SCAMP1: variants seen among roughly 807,000 people sequenced by gnomAD.
SCAMP1 encodes the protein secretory carrier-associated membrane protein 1.
A neutral mutation model predicts 41.8 loss-of-function variants in SCAMP1; 15 were observed. That is an observed-to-expected ratio of 0.36 (90% CI 0.24 to 0.55). The LOEUF is 0.55. SCAMP1 is among the 20% of genes least tolerant of loss of function. The pLI is 0.86. For missense variants in SCAMP1, 341 were observed against 412.6 expected (o/e 0.83, Z 1.50); for synonymous variants, 135 against 136.8 (o/e 0.99, Z 0.09).
intron 8 of SCAMP1, among the ~76,000 whole-genome samples, chr5:78,460,782 T>TTCCTTCCTTCCTTTGGTTTCTTTTC (rs1561287042): frequency 1.6e-4 from 7 of 45,144 alleles, no homozygotes; most frequent in African/African-American, 1.1e-3. Context: ...CCTTCCTTCC[T>TTCCTTCCTTCCTTTGGTTTCTTTTC]TCCTTCCTTC....
In SCAMP1 at chr5:78,396,853, G is replaced by T. The variant is rs919651868; in HGVS notation, c.135+7939G>T. Reference sequence around the variant, plus strand: ...TGATAGAGCAAATAAAATTAAGACAGAAAATTTATCATTGAATTTAACAAT... The same window carrying T: ...TGATAGAGCAAATAAAATTAAGACATAAAATTTATCATTGAATTTAACAAT... On this transcript the variant is annotated intron_variant, in intron 2 of 8. Coordinates refer to ENST00000621999, the MANE Select transcript of SCAMP1 (RefSeq NM_004866.6). Among the ~76,000 whole-genome samples, 3 of 152,308 alleles carry T rather than the reference G, an allele frequency of 2.0e-5. No individual in the cohort carries two copies. In the East Asian group the frequency reaches 5.8e-4, roughly 29 times the overall value.
chr5:78,416,707 A>G (rs1752218800), intron 4 of SCAMP1, 58 bp downstream of exon 4: 7 of 1,279,986 alleles, frequency 5.5e-6, no homozygotes, highest in East Asian at 2.6e-5. Flanking sequence ...CATTATGTCT[A>G]TACTAGCTCC....
At chr5:78,380,525 A>G (rs1486022168) in intron 1 of SCAMP1, among the ~76,000 whole-genome samples, 2 of 152,054 alleles carry the variant, frequency 1.3e-5, no homozygotes, top group African/African-American at 4.8e-5. Context: ...AGTCTTAATG[A>G]GTGTTTCTTT....
At chr5:78,450,462 C>G (rs1420057291) in intron 7 of SCAMP1, among the ~76,000 whole-genome samples, 1 of 152,162 alleles carries the variant, frequency 6.6e-6, no homozygotes, top group Non-Finnish European at 1.5e-5. Flanking sequence ...TACATGGACA[C>G]TTGTCTTTGA....
At chr5:78,444,522 G>A (rs1329367786) in intron 6 of SCAMP1, among the ~76,000 whole-genome samples, 1 of 152,200 alleles carries the variant, frequency 6.6e-6, no homozygotes, top group East Asian at 1.9e-4. Context: ...CATGACATGT[G>A]AGGATTCTGG....
At chr5:78,419,051 C>A (rs2112143009) in intron 5 of SCAMP1, 148 bp downstream of exon 5, 1 of 693,062 alleles carries the variant, frequency 1.4e-6, no homozygotes. Flanking sequence ...GAAACATATC[C>A]TATTTAGGTA....
In SCAMP1 at chr5:78,424,592, A is replaced by G. The variant is rs138628409; in HGVS notation, c.632+2632A>G. ...TAAAAATACAAAAAATTAGCTGAGT[A>G]TCGTGGCATGTTTCTGTAATCCCAG... On this transcript the variant is annotated intron_variant, in intron 6 of 8. Transcript: ENST00000621999. Among the ~76,000 whole-genome samples, 169 of 152,230 alleles carry G rather than the reference A, an allele frequency of 1.1e-3. 1 individual carries two copies. The South Asian group carries it at 0.023, about 21-fold the overall frequency.
chr5:78,398,324 C>T (rs1031206104), intron 2 of SCAMP1, among the ~76,000 whole-genome samples: 9 of 148,350 alleles, frequency 6.1e-5, no homozygotes, highest in Non-Finnish European at 1.0e-4. Flanking sequence ...CATAATCACC[C>T]AAAGTCTATA....
chr5:78,385,257 G>C (rs1323065828), intron 1 of SCAMP1, among the ~76,000 whole-genome samples: 1 of 152,020 alleles, frequency 6.6e-6, no homozygotes, highest in Non-Finnish European at 1.5e-5. Flanking sequence ...TAGTAGCCTT[G>C]AATGATCTTT....
At chr5:78,422,055 A>G in intron 6 of SCAMP1, 95 bp downstream of exon 6, 1 of 1,086,540 alleles carries the variant, frequency 9.2e-7, no homozygotes, top group African/African-American at 1.6e-5. Context: ...ATTTTCATTA[A>G]AAAATTCTTG....
chr5:78,415,413 A>C (rs1439712261), intron 2 of SCAMP1, 107 bp from the exon 3 acceptor site: 2 of 657,240 alleles, frequency 3.0e-6, no homozygotes, highest in Non-Finnish European at 5.4e-6. Context: ...CAGGGAATGA[A>C]GAGATGCAGA....
intron 6 of SCAMP1, among the ~76,000 whole-genome samples, chr5:78,448,629 G>A (rs1306344733): frequency 6.6e-6 from 1 of 152,180 alleles, no homozygotes; most frequent in African/African-American, 2.4e-5. Flanking sequence ...ACAATAGCTA[G>A]AATTAAAAAG....
intron 2 of SCAMP1, among the ~76,000 whole-genome samples, chr5:78,414,358 C>T (rs1752156940): frequency 6.6e-6 from 1 of 152,058 alleles, no homozygotes; most frequent in African/African-American, 2.4e-5. Flanking sequence ...TCTTAGCTCA[C>T]TGCAACCTCC....
intron 6 of SCAMP1, among the ~76,000 whole-genome samples, chr5:78,432,298 G>A (rs796936290): frequency 2.0e-5 from 3 of 152,136 alleles, no homozygotes; most frequent in African/African-American, 7.2e-5. Flanking sequence ...TTGTGTGTGT[G>A]GGTGTATATG....
intron 8 of SCAMP1, among the ~76,000 whole-genome samples, chr5:78,467,939 T>G (rs1182056059): frequency 6.6e-6 from 1 of 152,202 alleles, no homozygotes; most frequent in Non-Finnish European, 1.5e-5. Flanking sequence ...TTATAACCAC[T>G]AGGGGTCATG....
intron 1 of SCAMP1, among the ~76,000 whole-genome samples, chr5:78,384,172 T>TTG (rs1311545951): frequency 4.9e-5 from 1 of 20,228 alleles, no homozygotes; most frequent in East Asian, 8.8e-4. Context: ...TATTCCCAAG[T>TTG]TTTTTTTCTT....
chr5:78,377,828 C>T (rs1302499690), intron 1 of SCAMP1, among the ~76,000 whole-genome samples: 1 of 152,114 alleles, frequency 6.6e-6, no homozygotes, highest in East Asian at 1.9e-4. Context: ...AAGCACTTTA[C>T]ATGTAGTAAC....
At chr5:78,460,122 A>C (rs962552655) in intron 8 of SCAMP1, among the ~76,000 whole-genome samples, 1 of 152,198 alleles carries the variant, frequency 6.6e-6, no homozygotes, top group African/African-American at 2.4e-5. Context: ...CGTGATGTAT[A>C]TGTATCACAT....
chr5:78,458,398 T>C (rs1753489485), intron 7 of SCAMP1, among the ~76,000 whole-genome samples: 1 of 152,194 alleles, frequency 6.6e-6, no homozygotes, highest in Non-Finnish European at 1.5e-5. Context: ...GAACATCTTT[T>C]CATGTGCTTA....
Sources: allele counts gnomAD v4.1 joint callset (sites outside exome capture counted in the v4.1 genomes callset), GRCh38; gene constraint gnomAD v4.1.1; transcripts MANE v1.5; gene names NCBI Gene and HGNC (gene_info 2026-07-23, HGNC 2026-07-21).